Variants in MYLK observed in about 807,000 individuals in gnomAD.
The protein encoded by MYLK is myosin light chain kinase, smooth muscle.
A neutral mutation model predicts 203.4 loss-of-function variants in MYLK; 106 were observed. That is an observed-to-expected ratio of 0.52 (90% CI 0.45 to 0.61). The LOEUF (loss-of-function observed/expected upper bound fraction) is 0.61, where lower values mean the gene tolerates loss of function less well. MYLK is among the 20% of genes least tolerant of loss of function. The pLI, the probability that MYLK is intolerant of heterozygous loss-of-function variation, is 0.00. For synonymous variants in MYLK, 867 were observed against 959.5 expected (o/e 0.90, Z 1.78); for missense variants, 2,072 against 2,442.3 (o/e 0.85, Z 3.20).
chr3:123,757,130 T>C (rs768660205), intron 4 of MYLK, among the ~76,000 whole-genome samples: 6 of 152,154 alleles, frequency 3.9e-5, no homozygotes, highest in Non-Finnish European at 8.8e-5. Context: ...GGTGCTGCCT[T>C]GAGATTTACT....
intron 3 of MYLK, among the ~76,000 whole-genome samples, chr3:123,818,946 C>CCA (rs1259007119): frequency 6.6e-6 from 1 of 152,172 alleles, no homozygotes; most frequent in African/African-American, 2.4e-5. Context: ...CACAAGTCCT[C>CCA]CACCTAGATA....
chr3:123,834,911 C>T (rs2066436703), intron 2 of MYLK, among the ~76,000 whole-genome samples: 1 of 152,144 alleles, frequency 6.6e-6, no homozygotes, highest in Non-Finnish European at 1.5e-5. Context: ...TGGTAAAATG[C>T]ATATTGTCTT....
intron 4 of MYLK, among the ~76,000 whole-genome samples, chr3:123,778,426 T>C (rs2064157894): frequency 6.8e-6 from 1 of 147,778 alleles, no homozygotes; most frequent in Non-Finnish European, 1.5e-5. Context: ...GGCAGGAGAA[T>C]GGCGTGAACC....
chr3:123,764,060 G>C (rs963085653), intron 4 of MYLK, among the ~76,000 whole-genome samples: 1 of 151,926 alleles, frequency 6.6e-6, no homozygotes, highest in Non-Finnish European at 1.5e-5. Context: ...TATTATTTTG[G>C]CTATCATTAA....
At chr3:123,799,202 CT>C (rs1430612871) in intron 3 of MYLK, among the ~76,000 whole-genome samples, 1 of 152,024 alleles carries the variant, frequency 6.6e-6, no homozygotes, top group Non-Finnish European at 1.5e-5. Context: ...CCCTCACCCC[CT>C]GATGCTTGGG....
intron 2 of MYLK, among the ~76,000 whole-genome samples, chr3:123,846,689 C>T (rs1026591754): frequency 1.4e-4 from 22 of 152,256 alleles, no homozygotes; most frequent in African/African-American, 4.3e-4. Flanking sequence ...CTAAGAAGTA[C>T]ATTTAACTTA....
At chr3:123,879,944 G>A (rs2033421348) in intron 1 of MYLK, among the ~76,000 whole-genome samples, 2 of 152,244 alleles carry the variant, frequency 1.3e-5, no homozygotes, top group Admixed American at 6.5e-5. Context: ...GTGAGCCACC[G>A]TGCCTGGCCC....
intron 1 of MYLK, among the ~76,000 whole-genome samples, chr3:123,882,974 G>A (rs113176891): frequency 9.9e-5 from 15 of 152,180 alleles, no homozygotes; most frequent in Non-Finnish European, 8.8e-5. Flanking sequence ...TGCCTTGTAG[G>A]AACCTAGTAA....
intron 1 of MYLK, among the ~76,000 whole-genome samples, chr3:123,881,888 C>A (rs1708299111): frequency 6.6e-6 from 1 of 152,170 alleles, no homozygotes; most frequent in African/African-American, 2.4e-5. Flanking sequence ...CCATCTGGGT[C>A]ACCTCCTTCT....
At chr3:123,683,815 G>A (rs1183537918) in intron 19 of MYLK, among the ~76,000 whole-genome samples, 1 of 152,110 alleles carries the variant, frequency 6.6e-6, no homozygotes, top group Non-Finnish European at 1.5e-5. Context: ...ACGGGGTGTT[G>A]GGGGGAGCAG....
At position 123,666,209 on chromosome 3, in the gene MYLK, C is replaced by A. The variant is rs763161470; in HGVS notation, c.3831+10G>T. On this transcript the variant is annotated intron_variant, in intron 22 of 33. Coordinates refer to ENST00000360304, the MANE Select transcript of MYLK (RefSeq NM_053025.4). Reference sequence around the variant, plus strand: ...AGCACCCCCAGTGCCCACCCCATACCGTCACTGACCTGCTTTCGGAACTTC... The same window carrying A: ...AGCACCCCCAGTGCCCACCCCATACAGTCACTGACCTGCTTTCGGAACTTC... 1.2e-6 allele frequency: 2 copies of A among 1,614,228 alleles called. No homozygotes were observed. Among genetic ancestry groups the A allele is most frequent in the South Asian group, 2.2e-5 (2 of 91,088 alleles).
chr3:123,814,800 C>A (rs148908700), intron 3 of MYLK, among the ~76,000 whole-genome samples: 6 of 152,130 alleles, frequency 3.9e-5, no homozygotes, highest in African/African-American at 1.4e-4. Flanking sequence ...TTCTTTCTTT[C>A]TTTCTTTTTT....
intron 24 of MYLK, among the ~76,000 whole-genome samples, chr3:123,656,720 C>T (rs2059398904): frequency 6.6e-6 from 1 of 152,192 alleles, no homozygotes. Flanking sequence ...ATACACACCT[C>T]TCTTCCTCTA....
chr3:123,881,299 A>G (rs1249214517), intron 1 of MYLK, among the ~76,000 whole-genome samples: 3 of 152,136 alleles, frequency 2.0e-5, no homozygotes, highest in African/African-American at 4.8e-5. Context: ...AAGCATCCAC[A>G]TGGACATTTT....
chr3:123,712,159 T>C (rs820341), intron 13 of MYLK, among the ~76,000 whole-genome samples: 149,723 of 152,292 alleles, frequency 0.98, 73,648 homozygotes, highest in Middle Eastern at 1. Context: ...CAGCCTTCGA[T>C]GGAGGGCCGC....
Position 123,613,344 on chromosome 3 carries a change from T to G in MYLK, c.*761A>C, listed in dbSNP as rs1172888822. On this transcript the variant is annotated 3_prime_UTR_variant, in exon 34 of 34. Transcript: ENST00000360304. ...AGGAAACCACATTAGCAAGGATTTT[T>G]TTTTTCCCATGGGTTCTTAACCAAA... The G allele has an allele frequency of 6.6e-6, 1 of 151,668 alleles. No homozygotes were observed. Among genetic ancestry groups the G allele is most frequent in the African/African-American group, 2.4e-5 (1 of 41,314 alleles). The allele number at this position is 151,668 out of a possible 1,614,324, so 9.4% of individuals were successfully genotyped here.
chr3:123,856,952 A>G (rs1320052262), intron 2 of MYLK, among the ~76,000 whole-genome samples: 3 of 152,124 alleles, frequency 2.0e-5, no homozygotes, highest in Admixed American at 6.6e-5. Flanking sequence ...ATTTACAAGA[A>G]AAAAACAAAC....
At chr3:123,864,105 C>T (rs1446384886) in intron 2 of MYLK, among the ~76,000 whole-genome samples, 1 of 152,118 alleles carries the variant, frequency 6.6e-6, no homozygotes, top group Non-Finnish European at 1.5e-5. Context: ...AGAATATATA[C>T]CATACAATTT....
rs567784803 is a variant in MYLK at position 123,746,691 on chromosome 3, C to T, written c.373+5640G>A. On this transcript the variant is annotated intron_variant, in intron 5 of 33. Transcript: ENST00000360304. ...TCTTGAACACACAACTATTTTACAG[C>T]AAAGAGTCTGGTGGGGCAAAAAGAA... Among the ~76,000 whole-genome samples, 11 of 152,294 alleles carry T rather than the reference C, an allele frequency of 7.2e-5. 1 individual carries two copies. In the South Asian group the frequency reaches 2.1e-3, roughly 29 times the overall value.
Sources: allele counts gnomAD v4.1 joint callset (sites outside exome capture counted in the v4.1 genomes callset), GRCh38; gene constraint gnomAD v4.1.1; transcripts MANE v1.5; gene names NCBI Gene and HGNC (gene_info 2026-07-23, HGNC 2026-07-21).